MEF2A: variants seen among roughly 807,000 people sequenced by gnomAD.
MEF2A encodes myocyte enhancer factor 2A, also known as myocyte-specific enhancer factor 2A.
In MEF2A, 28 loss-of-function variants were observed where a neutral mutation model predicts 55.8. The observed-to-expected ratio is 0.50, with a 90% confidence interval of 0.37 to 0.69. The LOEUF is 0.69. MEF2A is among the 30% of genes least tolerant of loss of function. MEF2A has a pLI of 0.00. For synonymous variants in MEF2A, 239 were observed against 227.1 expected (o/e 1.05, Z -0.47); for missense variants, 528 against 626.2 (o/e 0.84, Z 1.67).
rs117485420 is a variant in MEF2A at position 99,682,950 on chromosome 15, A to G, written c.671-7291A>G. On this transcript the variant is annotated intron_variant, in intron 7 of 11. Coordinates refer to ENST00000557942, the MANE Select transcript of MEF2A (RefSeq NM_001319206.4). ...CATATTCATGCCATTGTATATTTAA[A>G]AAATTATTAATCTGACATTCTCATA... is the stretch of plus-strand genomic sequence containing the variant. 4.6e-4 allele frequency among the ~76,000 whole-genome samples: 70 copies of G among 152,350 alleles called. 2 individuals are homozygous for G. In the East Asian group the frequency reaches 0.013, roughly 29 times the overall value.
intron 3 of MEF2A, among the ~76,000 whole-genome samples, chr15:99,641,583 C>T (rs2044952234): frequency 6.6e-6 from 1 of 152,086 alleles, no homozygotes; most frequent in African/African-American, 2.4e-5. Flanking sequence ...ATTAGCCAGG[C>T]GTGGTGGCAG....
At chr15:99,703,912 T>C (rs1343787412) in intron 9 of MEF2A, among the ~76,000 whole-genome samples, 3 of 152,236 alleles carry the variant, frequency 2.0e-5, no homozygotes, top group Admixed American at 1.3e-4. Flanking sequence ...TGAATGTGTA[T>C]ATAAGTTTAC....
At chr15:99,691,946 C>T (rs1162006527) in intron 8 of MEF2A, among the ~76,000 whole-genome samples, 1 of 152,076 alleles carries the variant, frequency 6.6e-6, no homozygotes, top group Non-Finnish European at 1.5e-5. Context: ...CTATTTATCG[C>T]CCTTAGCTTC....
rs1220802225 is a variant in MEF2A at position 99,645,772 on chromosome 15, A to G, written c.258+8A>G. On this transcript the variant is annotated splice_region_variant and intron_variant, in intron 4 of 11. Coordinates refer to ENST00000557942, the MANE Select transcript of MEF2A (RefSeq NM_001319206.4). The stretch of plus-strand genomic sequence containing the variant: ...AACTCGGATATTGTTGAGGTAACAC[A>G]TATCTAGTAATACGTGAATTGCAAG... 1.3e-6 allele frequency: 2 copies of G among 1,555,778 alleles called. No individual in the cohort carries two copies. The highest frequency in any genetic ancestry group is 1.8e-6 in the Non-Finnish European group (2 of 1,141,998).
intron 1 of MEF2A, among the ~76,000 whole-genome samples, chr15:99,573,085 G>A (rs1308581812): frequency 6.6e-6 from 1 of 151,996 alleles, no homozygotes; most frequent in Non-Finnish European, 1.5e-5. Flanking sequence ...TCAGGAGATC[G>A]AGACCATCCT....
At chr15:99,700,187 T>TACACACACACACACAC (rs1234666173) in intron 8 of MEF2A, among the ~76,000 whole-genome samples, 1 of 112,294 alleles carries the variant, frequency 8.9e-6, no homozygotes, top group African/African-American at 3.7e-5. Flanking sequence ...TGTGTATATA[T>TACACACACACACACAC]ACACACACAC....
At chr15:99,590,469 G>A (rs1968885546) in intron 1 of MEF2A, among the ~76,000 whole-genome samples, 1 of 147,982 alleles carries the variant, frequency 6.8e-6, no homozygotes, top group Admixed American at 6.8e-5. Flanking sequence ...ATTGAGGTTT[G>A]TAGATAATAT....
chr15:99,646,159 A>G (rs898468514), intron 4 of MEF2A, among the ~76,000 whole-genome samples: 2 of 152,154 alleles, frequency 1.3e-5, no homozygotes, highest in East Asian at 1.9e-4. Flanking sequence ...TAAGAAAACA[A>G]TGACAATTAT....
intron 2 of MEF2A, among the ~76,000 whole-genome samples, chr15:99,615,146 G>A (rs1000601442): frequency 6.6e-6 from 1 of 152,162 alleles, no homozygotes; most frequent in Non-Finnish European, 1.5e-5. Context: ...GAACAGGCTT[G>A]GTGTGTTTGG....
intron 7 of MEF2A, among the ~76,000 whole-genome samples, chr15:99,686,434 C>T (rs1187763207): frequency 6.6e-5 from 10 of 152,092 alleles, no homozygotes; most frequent in Admixed American, 4.6e-4. Context: ...ATTCTCTCAG[C>T]ATTTGTTTGT....
At chr15:99,701,455 G>C (rs1352413062) in intron 8 of MEF2A, among the ~76,000 whole-genome samples, 1 of 152,226 alleles carries the variant, frequency 6.6e-6, no homozygotes, top group Non-Finnish European at 1.5e-5. Context: ...TCACAGAGCA[G>C]AGGAGACGAA....
At chr15:99,575,174 A>C (rs1963881522) in intron 1 of MEF2A, among the ~76,000 whole-genome samples, 1 of 152,226 alleles carries the variant, frequency 6.6e-6, no homozygotes, top group Non-Finnish European at 1.5e-5. Flanking sequence ...TTCTTACATT[A>C]GTATGGGGGA....
chr15:99,620,280 A>G (rs1257087837), intron 2 of MEF2A, among the ~76,000 whole-genome samples: 1 of 152,136 alleles, frequency 6.6e-6, no homozygotes, highest in Admixed American at 6.5e-5. Flanking sequence ...GTGTGTGAAT[A>G]TTCATGTCAC....
intron 4 of MEF2A, 48 bp from the exon 5 acceptor site, chr15:99,671,275 A>T: frequency 6.4e-7 from 1 of 1,573,228 alleles, no homozygotes; most frequent in Non-Finnish European, 8.6e-7. Flanking sequence ...AGAAAAACTC[A>T]TGGCAAGTTA....
chr15:99,578,893 A>C (rs1164147224), intron 1 of MEF2A, among the ~76,000 whole-genome samples: 2 of 152,228 alleles, frequency 1.3e-5, no homozygotes, highest in Non-Finnish European at 2.9e-5. Flanking sequence ...ATATATAAGT[A>C]CATGATAAAT....
At chr15:99,631,307 G>A (rs1033830776) in intron 2 of MEF2A, among the ~76,000 whole-genome samples, 1 of 152,062 alleles carries the variant, frequency 6.6e-6, no homozygotes, top group Admixed American at 6.5e-5. Context: ...GTTTATATTG[G>A]GAATTGGATA....
intron 7 of MEF2A, chr15:99,681,883 A>T (rs1013741666): frequency 3.9e-5 from 6 of 152,198 alleles, no homozygotes; most frequent in African/African-American, 1.4e-4. Flanking sequence ...CAGCCCTGTA[A>T]TCTTTTCTAC....
At chr15:99,604,023 A>G (rs1456941624) in intron 2 of MEF2A, among the ~76,000 whole-genome samples, 2 of 152,170 alleles carry the variant, frequency 1.3e-5, no homozygotes, top group Non-Finnish European at 2.9e-5. Flanking sequence ...TAGTTTGCAT[A>G]GTTTCTGACA....
intron 7 of MEF2A, among the ~76,000 whole-genome samples, chr15:99,685,000 G>GT (rs1168164102): frequency 2.0e-5 from 3 of 152,162 alleles, no homozygotes; most frequent in South Asian, 4.1e-4. Flanking sequence ...TCAGTTGGCT[G>GT]TAAGTATTTG....
Sources: gnomAD v4.1 joint callset for allele counts (sites outside exome capture counted in the v4.1 genomes callset) on GRCh38, gnomAD v4.1.1 for gene constraint, MANE v1.5 for transcripts, NCBI Gene and HGNC (gene_info 2026-07-23, HGNC 2026-07-21) for gene names.